The following RBPJ variants were observed in gnomAD, a reference collection of about 807,000 sequenced individuals.
The protein encoded by RBPJ is recombining binding protein suppressor of hairless.
Under a neutral mutation model 67.8 loss-of-function variants are expected in RBPJ, and 9 were observed. The observed-to-expected ratio is 0.13, with a 90% CI of 0.08 to 0.23. The LOEUF (loss-of-function observed/expected upper bound fraction) is 0.23. RBPJ is among the 10% of genes least tolerant of loss of function. The probability of loss-of-function intolerance (pLI) is 1.00; values close to 1 mark genes in which losing one functional copy is unlikely to be tolerated. For synonymous variants in RBPJ, 198 were observed against 203.3 expected, an observed-to-expected ratio of 0.97 and a Z score of 0.22; for missense variants, 305 against 595.6, an observed-to-expected ratio of 0.51 and a Z score of 5.08.
At chr4:26,108,209 A>G in the RBPJ span, among the ~76,000 whole-genome samples, 1 of 152,190 alleles carries the variant, frequency 6.6e-6, no homozygotes, top group Admixed American at 6.5e-5. Context: ...TCAAACTCCT[A>G]GAGGAAGAAT....
At chr4:26,425,729 A>G (rs1397939215) in intron 7 of RBPJ, among the ~76,000 whole-genome samples, 2 of 152,152 alleles carry the variant, frequency 1.3e-5, no homozygotes, top group African/African-American at 4.8e-5. Context: ...CTCAAACAAT[A>G]TAATTTACTT....
intron 1 of RBPJ, among the ~76,000 whole-genome samples, chr4:26,235,631 A>G (rs1315212129): frequency 3.9e-5 from 6 of 152,132 alleles, no homozygotes; most frequent in Admixed American, 3.9e-4. Flanking sequence ...ACTGGGCCCC[A>G]TTTCTGCCTT....
chr4:26,247,596 G>T (rs926594369), intron 1 of RBPJ, among the ~76,000 whole-genome samples: 1 of 152,032 alleles, frequency 6.6e-6, no homozygotes, highest in East Asian at 1.9e-4. Flanking sequence ...TTTTAGTAGA[G>T]GCGGGGTTTC....
chr4:26,355,954 T>C (rs1317332764), intron 1 of RBPJ, among the ~76,000 whole-genome samples: 1 of 152,186 alleles, frequency 6.6e-6, no homozygotes, highest in Non-Finnish European at 1.5e-5. Flanking sequence ...TTAACTATGT[T>C]AGAGGAAGAT....
At chr4:26,343,333 A>G (rs1247222166) in intron 1 of RBPJ, 1 of 152,196 alleles carries the variant, frequency 6.6e-6, no homozygotes, top group Non-Finnish European at 1.5e-5. Context: ...ATTGTAAGAT[A>G]TGTTATAGAC....
intron 1 of RBPJ, among the ~76,000 whole-genome samples, chr4:26,280,758 C>T (rs185858923): frequency 6.6e-6 from 1 of 152,006 alleles, no homozygotes; most frequent in African/African-American, 2.4e-5. Flanking sequence ...AAATTTAAAG[C>T]AAATACAGCT....
At chr4:26,211,614 C>T (rs1718424315) in intron 1 of RBPJ, among the ~76,000 whole-genome samples, 1 of 152,128 alleles carries the variant, frequency 6.6e-6, no homozygotes, top group Admixed American at 6.5e-5. Flanking sequence ...CACCAAGCAC[C>T]ATCCTTAGTG....
At chr4:26,330,019 C>A (rs1013688486) in intron 1 of RBPJ, among the ~76,000 whole-genome samples, 3 of 152,128 alleles carry the variant, frequency 2.0e-5, no homozygotes, top group Non-Finnish European at 2.9e-5. Context: ...GGTACACCCC[C>A]TTCAGAAGGG....
At chr4:26,207,920 C>G (rs530450020) in intron 1 of RBPJ, among the ~76,000 whole-genome samples, 5 of 152,284 alleles carry the variant, frequency 3.3e-5, no homozygotes, top group Non-Finnish European at 5.9e-5. Flanking sequence ...GCACTGACAG[C>G]TCACACCTGT....
At chr4:26,316,827 C>CTT (rs56130072), upstream of RBPJ, among the ~76,000 whole-genome samples, 8,524 of 71,232 alleles carry the variant, frequency 0.12, 2,483 homozygotes, top group Middle Eastern at 0.17. Flanking sequence ...ACCCAGACGA[C>CTT]TTTTTTTTTT....
chr4:26,321,140 G>T, intron 1 of RBPJ, 92 bp downstream of exon 1: 3 of 984,040 alleles, frequency 3.0e-6, no homozygotes, highest in Non-Finnish European at 4.4e-6. Flanking sequence ...GCCGCGGCGC[G>T]CTTGGCGTTC....
the RBPJ span, among the ~76,000 whole-genome samples, chr4:26,111,427 ACTC>A: frequency 1.3e-5 from 2 of 151,570 alleles, no homozygotes; most frequent in Admixed American, 6.6e-5. Context: ...TCTTCACTGG[ACTC>A]CTCATCTCTT....
chr4:26,166,566 T>A (rs1176678227), intron 1 of RBPJ, among the ~76,000 whole-genome samples: 1 of 151,694 alleles, frequency 6.6e-6, no homozygotes, highest in East Asian at 1.9e-4. Flanking sequence ...GATGGGGTTG[T>A]TTGTTTTTTT....
chr4:26,429,432 G>T (rs1411247335), intron 8 of RBPJ, among the ~76,000 whole-genome samples: 40 of 152,166 alleles, frequency 2.6e-4, no homozygotes, highest in Non-Finnish European at 1.5e-5. Flanking sequence ...CCCTGGTCTA[G>T]GTGTGTTAAG....
chr4:26,191,196 TATATATATATATATAGAG>T (rs1299262438), intron 1 of RBPJ, among the ~76,000 whole-genome samples: 5 of 27,320 alleles, frequency 1.8e-4, no homozygotes, highest in African/African-American at 5.8e-4. Context: ...TATATATATA[TATATATATATATATAGAG>T]AGAGAGAGAG....
the RBPJ span, among the ~76,000 whole-genome samples, chr4:26,111,261 C>A: frequency 6.6e-6 from 1 of 152,152 alleles, no homozygotes; most frequent in Non-Finnish European, 1.5e-5. Context: ...CCCCCAGCCC[C>A]AAGCTCTAGG....
At chr4:26,274,866 G>A (rs1030398432) in intron 1 of RBPJ, among the ~76,000 whole-genome samples, 3 of 152,034 alleles carry the variant, frequency 2.0e-5, no homozygotes, top group Admixed American at 6.6e-5. Context: ...CCCAGGAGGC[G>A]GAGGTTGCAG....
rs530260024 is a variant in RBPJ at position 26,409,927 on chromosome 4, A to G, written c.155+3657A>G. 4.7e-5 allele frequency: 17 copies of G among 365,340 alleles called. 1 individual carries two copies. Among genetic ancestry groups the G allele is most frequent in the South Asian group, 3.6e-4 (17 of 47,702 alleles). The allele number at this position is 365,340 out of a possible 1,614,324, so 22.6% of individuals were successfully genotyped here. On this transcript the variant is annotated intron_variant, in intron 3 of 10. Transcript: ENST00000355476. ...ACAAAAATGATGAAAAGGCCAGAGT[A>G]ACTACTTTCCTATATTTTTACTGAT...
chr4:26,393,090 G>T (rs977516414), intron 2 of RBPJ, among the ~76,000 whole-genome samples: 2 of 152,104 alleles, frequency 1.3e-5, no homozygotes, highest in South Asian at 2.1e-4. Context: ...AAAGTGATCC[G>T]CCTGCCTTGG....
Sources: allele counts gnomAD v4.1 joint callset (sites outside exome capture counted in the v4.1 genomes callset), GRCh38; gene constraint gnomAD v4.1.1; transcripts MANE v1.5; gene names NCBI Gene and HGNC (gene_info 2026-07-23, HGNC 2026-07-21).